PATZ1: variants seen among roughly 807,000 people sequenced by gnomAD.
The protein encoded by PATZ1 is POZ-, AT hook-, and zinc finger-containing protein 1.
A neutral mutation model predicts 46.2 loss-of-function variants in PATZ1; 9 were observed. The observed-to-expected ratio is 0.19, with a 90% CI of 0.12 to 0.34. The LOEUF (loss-of-function observed/expected upper bound fraction) is 0.34, where lower values mean the gene tolerates loss of function less well. Ranked by LOEUF, PATZ1 falls within the 10% of genes least tolerant of loss-of-function variation. The pLI is 1.00. For synonymous variants in PATZ1, 426 were observed against 378.6 expected, an observed-to-expected ratio of 1.13 and a Z score of -1.45; for missense variants, 632 against 923.0, an observed-to-expected ratio of 0.68 and a Z score of 4.08.
At chr22:31,332,057 G>A (rs2049450570) in intron 3 of PATZ1, among the ~76,000 whole-genome samples, 1 of 152,164 alleles carries the variant, frequency 6.6e-6, no homozygotes, top group South Asian at 2.1e-4. Flanking sequence ...GTTGTGATGA[G>A]CTGAGATCGC....
At position 31,327,790 on chromosome 22, in the gene PATZ1, C is replaced by G. The variant is rs1426330775; in HGVS notation, c.1646-481G>C. Among the ~76,000 whole-genome samples the G allele has an allele frequency of 2.6e-5, 4 of 152,218 alleles. No individual in the cohort carries two copies. Among genetic ancestry groups the G allele is most frequent in the African/African-American group, 4.8e-5 (2 of 41,448 alleles). On this transcript the variant is annotated intron_variant, in intron 4 of 4. Transcript: ENST00000266269. The surrounding 1 kb of genome is among the most constrained non-coding windows in gnomAD (Gnocchi z 4.2). The stretch of plus-strand genomic sequence containing the variant: ...AGAACCAGAGCCATTAGGTCCTCAA[C>G]CTGGGTAGACCCCATCAATGGCTCA...
chr22:31,327,023 G>A lies in PATZ1; in HGVS notation c.1932C>T (p.Gly644=). The stretch of plus-strand genomic sequence containing the variant: ...TGTTCTGCTGAGGAGAGAAAGGTGA[G>A]CCAAGGGCAGGGCCCAGGTCCCCCA... ...GPLGDLGPAL[G]SPFSPQQNMS... Residue 644 remains glycine, a synonymous_variant, in exon 5 of 5, where the codon GGC becomes GGT. Transcript: ENST00000266269. This position sits in a 1 kb window ranked among gnomAD's most constrained non-coding sequence, Gnocchi z 4.2. 1.2e-6 allele frequency: 2 copies of A among 1,614,262 alleles called. No individual in the cohort carries two copies. Among genetic ancestry groups the A allele is most frequent in the Middle Eastern group, 1.6e-4 (1 of 6,062 alleles).
chr22:31,336,004 G>A (rs1483062858), intron 2 of PATZ1, 141 bp from the exon 3 acceptor site: 1 of 718,816 alleles, frequency 1.4e-6, no homozygotes. Context: ...GTTTGGCTCA[G>A]GCTCCCTACC....
chr22:31,327,195 G>A lies in PATZ1; in HGVS notation c.1760C>T (p.Ser587Phe). 1 of 1,614,220 alleles carries A rather than the reference G, an allele frequency of 6.2e-7. No homozygotes were observed. The highest frequency in any genetic ancestry group is 8.5e-7 in the Non-Finnish European group (1 of 1,180,036). Residue 587 changes from serine to phenylalanine, a missense_variant, in exon 5 of 5, where the codon TCC (serine) becomes TTC (phenylalanine). By Grantham distance (155) the Ser-to-Phe change is radical. Transcript: ENST00000266269. The surrounding 1 kb of genome is among the most constrained non-coding windows in gnomAD (Gnocchi z 4.2). ...PEKQSANGSFSCDMAVPKNKM... is the reference protein window; with the variant it reads ...PEKQSANGSFFCDMAVPKNKM... The stretch of plus-strand genomic sequence containing the variant: ...GTTTTTGGGGACTGCCATGTCGCAG[G>A]AGAAAGAGCCATTGGCACTCTGCTT...
Position 31,345,585 on chromosome 22 carries a change from G to A in PATZ1, c.18C>T (p.Asp6=), listed in dbSNP as rs749672130. 1 of 1,593,124 alleles carries A rather than the reference G, an allele frequency of 6.3e-7. No homozygotes were observed. Among genetic ancestry groups the A allele is most frequent in the Non-Finnish European group, 8.6e-7 (1 of 1,164,712 alleles). The change falls in exon 1 of 5, where the codon GAC becomes GAT. Residue 6 remains aspartate, a synonymous_variant. Transcript: ENST00000266269. The surrounding 1 kb of genome is among the most constrained non-coding windows in gnomAD (Gnocchi z 7.4). ...AGCAGCCAGACGGGCCGCACGAAGC[G>A]TCGTTCACCCGCTCCATGGCCGCCG... is the stretch of plus-strand genomic sequence containing the variant. The part of the protein sequence containing the change: MERVN[D]ASCGPSGCYT...
intron 2 of PATZ1, among the ~76,000 whole-genome samples, chr22:31,340,322 G>A (rs2049564224): frequency 6.6e-6 from 1 of 152,210 alleles, no homozygotes; most frequent in African/African-American, 2.4e-5. Flanking sequence ...CTGGCATCAG[G>A]AGGGGATGAG....
Position 31,345,527 on chromosome 22 carries a change from T to A in PATZ1, c.76A>T (p.Met26Leu). The part of the protein sequence containing the change: ...TYQVSRHSTE[M>L]LHNLNQQRKN... ...CGCTGCTGGTTCAGGTTGTGCAGCA[T>A]CTCCGTGCTGTGTCTGCTCACCTGG... Residue 26 changes from methionine (M) to leucine (L), a missense_variant, in exon 1 of 5, where the codon ATG becomes TTG. By Grantham distance (15) the Met-to-Leu change is conservative. Around this residue, in one of 7 missense-constraint regions of PATZ1, gnomAD observed 19 missense variants for 71.4 expected, o/e 0.27. Coordinates refer to ENST00000266269, the MANE Select transcript of PATZ1 (RefSeq NM_014323.3). This position sits in a 1 kb window ranked among gnomAD's most constrained non-coding sequence, Gnocchi z 7.4. 6.2e-7 allele frequency: 1 copy of A among 1,613,284 alleles called. No individual in the cohort carries two copies. The highest frequency in any genetic ancestry group is 1.3e-5 in the African/African-American group (1 of 75,032).
chr22:31,341,184 G>C (rs1475338544), intron 2 of PATZ1: 2 of 1,243,470 alleles, frequency 1.6e-6, no homozygotes, highest in East Asian at 6.2e-5. Flanking sequence ...AAAGGCAAGA[G>C]AGCCCAGAAA....
In PATZ1 at chr22:31,346,186, G is replaced by T. The variant is rs1402334935; in HGVS notation, c.-584C>A. Reference sequence around the variant, plus strand: ...CGCACGGGGGCGGTGGCGCGGGCCGGGTCCCGGAGCCTGGAGGGCGGTGGC... The same window carrying T: ...CGCACGGGGGCGGTGGCGCGGGCCGTGTCCCGGAGCCTGGAGGGCGGTGGC... On this transcript the variant is annotated 5_prime_UTR_variant, in exon 1 of 5. Transcript: ENST00000266269. 1 of 148,316 alleles carries T rather than the reference G, an allele frequency of 6.7e-6. No individual in the cohort carries two copies. Among genetic ancestry groups the T allele is most frequent in the Non-Finnish European group, 1.5e-5 (1 of 66,968 alleles). The allele number at this position is 148,316 out of a possible 1,614,324, so 9.2% of individuals were successfully genotyped here.
rs1170114170 is a variant in PATZ1 at position 31,327,206 on chromosome 22, A to G, written c.1749T>C (p.Asn583=). 6.2e-7 allele frequency: 1 copy of G among 1,614,202 alleles called. No homozygotes were observed. Among genetic ancestry groups the G allele is most frequent in the Non-Finnish European group, 8.5e-7 (1 of 1,180,016 alleles). The change falls in exon 5 of 5, where the codon AAT becomes AAC. Residue 583 remains asparagine (N), a synonymous_variant. Coordinates refer to ENST00000266269, the MANE Select transcript of PATZ1 (RefSeq NM_014323.3). This position sits in a 1 kb window ranked among gnomAD's most constrained non-coding sequence, Gnocchi z 4.2. ...DLKTPEKQSA[N]GSFSCDMAVP... ...CTGCCATGTCGCAGGAGAAAGAGCC[A>G]TTGGCACTCTGCTTCTCTGGCGTCT...
Position 31,326,608 on chromosome 22 carries a change from A to G in PATZ1, c.*283T>C. On this transcript the variant is annotated 3_prime_UTR_variant, in exon 5 of 5. Coordinates refer to ENST00000266269, the MANE Select transcript of PATZ1 (RefSeq NM_014323.3). Reference sequence around the variant, plus strand: ...CCAGGAATTCCAGCTTCTTCCCATTAAAGAAACTGGGACTGGTTTTGCCTT... The same window carrying G: ...CCAGGAATTCCAGCTTCTTCCCATTGAAGAAACTGGGACTGGTTTTGCCTT... 1 of 346,406 alleles carries G rather than the reference A, an allele frequency of 2.9e-6. No homozygotes were observed. The highest frequency in any genetic ancestry group is 5.2e-6 in the Non-Finnish European group (1 of 190,612). 21.5% of individuals were successfully genotyped at this position (346,406 alleles called of 1,614,324 possible). A position where few individuals can be genotyped will look rare whatever the true frequency, so the allele number is the denominator to read the frequency against.
intron 2 of PATZ1, among the ~76,000 whole-genome samples, chr22:31,338,539 GA>G (rs1296004353): frequency 6.6e-6 from 1 of 152,104 alleles, no homozygotes; most frequent in Non-Finnish European, 1.5e-5. Flanking sequence ...CACAGTAGGA[GA>G]AAAAAACTCC....
At position 31,345,006 on chromosome 22, in the gene PATZ1, G is replaced by C. The variant is rs745816246; in HGVS notation, c.597C>G (p.Ser199Arg). The change falls in exon 1 of 5, where the codon AGC (serine) becomes AGG (arginine). Residue 199 changes from serine (S) to arginine (R), a missense_variant. Coordinates refer to ENST00000266269, the MANE Select transcript of PATZ1 (RefSeq NM_014323.3). This position sits in a 1 kb window ranked among gnomAD's most constrained non-coding sequence, Gnocchi z 7.4. ...GCTGCATGCTGCCGGCGATGCCATT[G>C]CTGTTGGCTGCCAAGGCTGCCCCGT... is the stretch of plus-strand genomic sequence containing the variant. Reference protein sequence around the residue: ...MTNGAALAANSNGIAGSMQPE... With the variant: ...MTNGAALAANRNGIAGSMQPE... The C allele has an allele frequency of 1.8e-5, 29 of 1,613,958 alleles. No individual in the cohort carries two copies. Among genetic ancestry groups the C allele is most frequent in the Non-Finnish European group, 2.3e-5 (27 of 1,180,052 alleles).
Position 31,344,824 on chromosome 22 carries a change from G to C in PATZ1, c.779C>G (p.Pro260Arg), listed in dbSNP as rs556606786. 6.2e-7 allele frequency: 1 copy of C among 1,611,420 alleles called. No homozygotes were observed. The highest frequency in any genetic ancestry group is 1.1e-5 in the South Asian group (1 of 90,996). Reference sequence around the variant, plus strand: ...GCCCCGGCCTCGCTTGCCAGTCAGGGGAGGGGCACTGGATGCCACACTGGG... The same window carrying C: ...GCCCCGGCCTCGCTTGCCAGTCAGGCGAGGGGCACTGGATGCCACACTGGG... Reference protein sequence around the residue: ...PFPSVASSAPPLTGKRGRGRP... With the variant: ...PFPSVASSAPRLTGKRGRGRP... Residue 260 changes from proline (P) to arginine (R), a missense_variant, in exon 1 of 5, where the codon CCC becomes CGC. Physicochemically the swap from Pro to Arg is moderately radical, Grantham distance 103. Around this residue, in one of 7 missense-constraint regions of PATZ1, gnomAD observed 279 missense variants for 284.3 expected, o/e 0.98. Coordinates refer to ENST00000266269, the MANE Select transcript of PATZ1 (RefSeq NM_014323.3).
At chr22:31,342,812 GC>G in intron 2 of PATZ1, 84 bp downstream of exon 2, 1 of 1,476,152 alleles carries the variant, frequency 6.8e-7, no homozygotes, top group Non-Finnish European at 9.4e-7. Flanking sequence ...CGGGCCCCCG[GC>G]ACACGCAGCG....
intron 3 of PATZ1, among the ~76,000 whole-genome samples, chr22:31,330,997 C>T (rs535228822): frequency 6.6e-6 from 1 of 152,334 alleles, no homozygotes; most frequent in African/African-American, 2.4e-5. Context: ...TCCTTCCTTT[C>T]CCAATACAGC....
At chr22:31,334,605 G>A (rs2049485425) in intron 3 of PATZ1, among the ~76,000 whole-genome samples, 1 of 152,216 alleles carries the variant, frequency 6.6e-6, no homozygotes, top group Non-Finnish European at 1.5e-5. Flanking sequence ...CAAGGATAGA[G>A]TCTCCCAAGT....
At chr22:31,335,160 C>T (rs1204534504) in intron 3 of PATZ1, among the ~76,000 whole-genome samples, 3 of 152,220 alleles carry the variant, frequency 2.0e-5, no homozygotes, top group Non-Finnish European at 4.4e-5. Context: ...CCACTTTCCT[C>T]TCTCAAGGCC....
intron 2 of PATZ1, among the ~76,000 whole-genome samples, chr22:31,341,865 C>T (rs1227571648): frequency 6.6e-6 from 1 of 152,196 alleles, no homozygotes; most frequent in Non-Finnish European, 1.5e-5. Context: ...CAGATCCCAG[C>T]AGGCCCACCC....
Sources: allele counts gnomAD v4.1 joint callset (sites outside exome capture counted in the v4.1 genomes callset), GRCh38; gene constraint gnomAD v4.1.1; regional missense constraint gnomAD v4.1.1; non-coding constraint Gnocchi (gnomAD v3.1); transcripts MANE v1.5; gene names NCBI Gene and HGNC (gene_info 2026-07-23, HGNC 2026-07-21).